DLEC1: variants seen among roughly 807,000 people sequenced by gnomAD.
DLEC1 encodes the protein deleted in lung and esophageal cancer protein 1.
Under a neutral mutation model 198.1 loss-of-function variants are expected in DLEC1, and 146 were observed. The ratio of observed to expected loss-of-function variants is 0.74; its 90% CI spans 0.64 to 0.85. DLEC1 has a LOEUF of 0.85. Ranked by LOEUF, DLEC1 falls within the 40% of genes least tolerant of loss-of-function variation. The pLI, the probability that DLEC1 is intolerant of heterozygous loss-of-function variation, is 0.00. For synonymous variants in DLEC1, 897 were observed against 866.8 expected (o/e 1.03, Z -0.61); for missense variants, 2,233 against 2,220.0 (o/e 1.01, Z -0.12).
At position 38,123,301 on chromosome 3, in the gene DLEC1, G is replaced by A; in HGVS notation, c.*889G>A. On this transcript the variant is annotated 3_prime_UTR_variant, in exon 37 of 37. Transcript: ENST00000308059. ...CACACGGTGACAGATGCCCACTGCA[G>A]GCTAGTATCCCTTTCAAGGCTGGCC... is the stretch of plus-strand genomic sequence containing the variant. 1 of 620,200 alleles carries A rather than the reference G, an allele frequency of 1.6e-6. No individual in the cohort carries two copies. Among genetic ancestry groups the A allele is most frequent in the Non-Finnish European group, 2.9e-6 (1 of 343,344 alleles). The allele number at this position is 620,200 out of a possible 1,614,324, so 38.4% of individuals were successfully genotyped here.
chr3:38,097,068 C>A, intron 15 of DLEC1, 114 bp from the exon 16 acceptor site: 1 of 1,059,570 alleles, frequency 9.4e-7, no homozygotes, highest in Non-Finnish European at 1.4e-6. Flanking sequence ...CAGGAATTAG[C>A]CGGGAAGTGT....
chr3:38,096,031 A>AG (rs939439352), intron 14 of DLEC1, 85 bp downstream of exon 14: 1 of 1,534,958 alleles, frequency 6.5e-7, no homozygotes, highest in African/African-American at 1.4e-5. Flanking sequence ...GTATCAGGTG[A>AG]GGGGGAGTGG....
intron 6 of DLEC1, among the ~76,000 whole-genome samples, chr3:38,074,303 G>A (rs950429344): frequency 6.6e-6 from 1 of 152,236 alleles, no homozygotes; most frequent in African/African-American, 2.4e-5. Flanking sequence ...CCTTGAAGGT[G>A]AGGTTGATTA....
rs977626264 is a variant in DLEC1 at position 38,078,357 on chromosome 3, C to T, written c.1174-5801C>T. On this transcript the variant is annotated intron_variant, in intron 6 of 36. Transcript: ENST00000308059. The stretch of plus-strand genomic sequence containing the variant: ...CTAAAAGTATTAAAGCAGCAGCAGC[C>T]GCTGCACGCAGACATGAGGGCTAGG... Among the ~76,000 whole-genome samples, 17 of 152,274 alleles carry T rather than the reference C, an allele frequency of 1.1e-4. No individual in the cohort carries two copies. In the East Asian group the frequency reaches 1.2e-3, roughly 10 times the overall value.
At chr3:38,047,953 A>G (rs139502163) in intron 2 of DLEC1, among the ~76,000 whole-genome samples, 143 of 152,312 alleles carry the variant, frequency 9.4e-4, no homozygotes, top group Non-Finnish European at 1.3e-3. Flanking sequence ...TTTATTTGCC[A>G]GTGTTTAAAA....
chr3:38,084,342 ATAGTAGTAGTGGTGGTGGTAG>A, intron 7 of DLEC1, 97 bp downstream of exon 7: 1 of 800,142 alleles, frequency 1.2e-6, no homozygotes, highest in Admixed American at 3.4e-5. Context: ...GGTAGCAATG[ATAGTAGTAGTGGTGGTGGTAG>A]TAGTAGTAGT....
Position 38,121,764 on chromosome 3 carries a change from A to T in DLEC1, c.5003A>T (p.Tyr1668Phe). Residue 1668 changes from tyrosine (Y) to phenylalanine (F), a missense_variant, in exon 35 of 37, where the codon TAC (tyrosine) becomes TTC (phenylalanine). By Grantham distance (22) the Tyr-to-Phe change is conservative (BLOSUM62 3). Transcript: ENST00000308059. Reference sequence around the variant, plus strand: ...ATGAACCTGAGCGGGTGCCGAAGCTACTGGACTATGCTGATGGGTATGTCC... The same window carrying T: ...ATGAACCTGAGCGGGTGCCGAAGCTTCTGGACTATGCTGATGGGTATGTCC... ...YLMNLSGCRSYWTMLMGQQEP... is the reference protein window; with the variant it reads ...YLMNLSGCRSFWTMLMGQQEP... The T allele has an allele frequency of 6.2e-7, 1 of 1,613,958 alleles. No homozygotes were observed. Among genetic ancestry groups the T allele is most frequent in the Non-Finnish European group, 8.5e-7 (1 of 1,179,912 alleles).
intron 19 of DLEC1, 77 bp from the exon 20 acceptor site, chr3:38,107,507 T>G: frequency 1.4e-6 from 2 of 1,408,606 alleles, no homozygotes; most frequent in East Asian, 5.2e-5. Context: ...CTACATAGAC[T>G]GCATGTCATC....
Position 38,116,557 on chromosome 3 carries a change from G to A in DLEC1, c.3961G>A (p.Gly1321Arg), listed in dbSNP as rs777594196. The A allele has an allele frequency of 1.2e-5, 20 of 1,614,008 alleles. No individual in the cohort carries two copies. The highest frequency in any genetic ancestry group is 4.0e-5 in the African/African-American group (3 of 74,916). ...GPPFPLRDQA[G>R]NELVCPDTPE... ...ACCTTTCCCGCTGCGGGACCAAGCC[G>A]GGAATGAGCTTGTGTGCCCTGATAC... The change falls in exon 28 of 37, where the codon GGG becomes AGG. Residue 1321 changes from glycine (G) to arginine (R), a missense_variant. Gly to Arg is a moderately radical substitution (Grantham distance 125). Transcript: ENST00000308059.
intron 1 of DLEC1, among the ~76,000 whole-genome samples, chr3:38,041,847 C>CAAAAAAA (rs751455053): frequency 1.4e-5 from 1 of 71,682 alleles, no homozygotes. Context: ...GACTCCGTTT[C>CAAAAAAA]AAAAAAAAAA....
At chr3:38,045,182 G>A (rs1395999870) in intron 1 of DLEC1, among the ~76,000 whole-genome samples, 2 of 152,296 alleles carry the variant, frequency 1.3e-5, no homozygotes, top group African/African-American at 4.8e-5. Context: ...GTCTGCTGAC[G>A]ACGTTCCCTG....
chr3:38,059,992 A>G (rs1464165223), intron 3 of DLEC1, 140 bp downstream of exon 3: 1 of 725,986 alleles, frequency 1.4e-6, no homozygotes, highest in Non-Finnish European at 2.3e-6. Context: ...CTGTTGGGAA[A>G]GTCAAATCTG....
chr3:38,094,729 C>T (rs1698918691), intron 12 of DLEC1, 150 bp from the exon 13 acceptor site: 5 of 840,670 alleles, frequency 5.9e-6, no homozygotes, highest in Non-Finnish European at 9.0e-6. Flanking sequence ...TTGGAGGGTC[C>T]TCCATTGGAA....
chr3:38,063,950 C>A (rs748618470), intron 6 of DLEC1, 31 bp downstream of exon 6: 1 of 1,431,208 alleles, frequency 7.0e-7, no homozygotes, highest in Non-Finnish European at 9.7e-7. Context: ...CAGCTCCCAC[C>A]CCATCTGCTT....
At position 38,122,933 on chromosome 3, in the gene DLEC1, C is replaced by T; in HGVS notation, c.*521C>T. ...GAGTTGAAGTGCCTTGATCTGTCCA[C>T]TGCCACCACCACCAGTGCTGAGTTT... On this transcript the variant is annotated 3_prime_UTR_variant, in exon 37 of 37. Coordinates refer to ENST00000308059, the MANE Select transcript of DLEC1 (RefSeq NM_007335.4). 2 of 1,095,808 alleles carry T rather than the reference C, an allele frequency of 1.8e-6. No homozygotes were observed. Among genetic ancestry groups the T allele is most frequent in the Non-Finnish European group, 2.7e-6 (2 of 732,862 alleles). The allele number at this position is 1,095,808 out of a possible 1,614,324, so 67.9% of individuals were successfully genotyped here. A position where few individuals can be genotyped will look rare whatever the true frequency, so the allele number is the denominator to read the frequency against.
chr3:38,060,495 A>T (rs367972888), intron 3 of DLEC1, among the ~76,000 whole-genome samples: 3 of 152,046 alleles, frequency 2.0e-5, no homozygotes. Flanking sequence ...CTCAGAAGAC[A>T]AGCTCTCCCA....
At position 38,086,312 on chromosome 3, in the gene DLEC1, G is replaced by A. The variant is rs1232603793; in HGVS notation, c.1507G>A (p.Val503Met). ...GATGACCAGATTCATCTGCAAAAAT[G>A]TGGGTTTCAGTGTTGGCAGGTTCTG... ...VKMTRFICKN[V>M]GFSVGRFCIM... is the part of the protein sequence containing the mutation. Residue 503 changes from valine (V) to methionine (M), a missense_variant, in exon 9 of 37, where the codon GTG becomes ATG. By Grantham distance (21) the Val-to-Met change is conservative. Coordinates refer to ENST00000308059, the MANE Select transcript of DLEC1 (RefSeq NM_007335.4). 2.5e-6 allele frequency: 4 copies of A among 1,613,316 alleles called. No individual in the cohort carries two copies. Among genetic ancestry groups the A allele is most frequent in the South Asian group, 1.1e-5 (1 of 90,890 alleles).
rs374132212 is a variant in DLEC1 at position 38,097,597 on chromosome 3, C to T, written c.2525C>T (p.Ser842Leu). ...GACCTGCTGTGTGAAATCGAAGACT[C>T]GCCCTCGCCAGTGGTGTTACACATT... ...SQDLLCEIED[S>L]PSPVVLHIEA... Residue 842 changes from serine to leucine, a missense_variant, in exon 17 of 37, where the codon TCG becomes TTG. Transcript: ENST00000308059. 59 of 1,614,190 alleles carry T rather than the reference C, an allele frequency of 3.7e-5. No individual in the cohort carries two copies. Among genetic ancestry groups the T allele is most frequent in the East Asian group, 6.7e-5 (3 of 44,876 alleles).
chr3:38,087,991 G>A (rs1433086488), intron 9 of DLEC1, among the ~76,000 whole-genome samples: 2 of 152,208 alleles, frequency 1.3e-5, no homozygotes, highest in Non-Finnish European at 2.9e-5. Flanking sequence ...CTTCTCACAC[G>A]CTTGTCACTT....
Sources: allele counts gnomAD v4.1 joint callset (sites outside exome capture counted in the v4.1 genomes callset), GRCh38; gene constraint gnomAD v4.1.1; transcripts MANE v1.5; gene names NCBI Gene and HGNC (gene_info 2026-07-23, HGNC 2026-07-21).